SLC9A9: variants seen among roughly 807,000 people sequenced by gnomAD.
The protein encoded by SLC9A9 is sodium/hydrogen exchanger 9.
SLC9A9 carries 62 observed loss-of-function variants against 77.8 expected under a neutral mutation model. The observed-to-expected ratio is 0.80, with a 90% CI of 0.65 to 0.98. The LOEUF is 0.98. SLC9A9 is among the 50% of genes least tolerant of loss of function. The probability of loss-of-function intolerance (pLI) is 0.00; values close to 1 mark genes in which losing one functional copy is unlikely to be tolerated. For synonymous variants in SLC9A9, 320 were observed against 283.5 expected (o/e 1.13, Z -1.29); for missense variants, 775 against 774.9 (o/e 1.00, Z 0.00).
intron 9 of SLC9A9, among the ~76,000 whole-genome samples, chr3:143,547,773 C>A (rs1462713859): frequency 6.6e-6 from 1 of 152,226 alleles, no homozygotes; most frequent in Non-Finnish European, 1.5e-5. Context: ...TCTAATATTA[C>A]AAGCCTGCCT....
intron 2 of SLC9A9, among the ~76,000 whole-genome samples, chr3:143,827,017 T>C (rs1186380194): frequency 6.6e-6 from 1 of 152,230 alleles, no homozygotes; most frequent in Non-Finnish European, 1.5e-5. Flanking sequence ...AGAATTGAAA[T>C]TGATAGGACT....
chr3:143,820,134 A>G (rs1246428866), intron 2 of SLC9A9, among the ~76,000 whole-genome samples: 1 of 152,260 alleles, frequency 6.6e-6, no homozygotes, highest in Admixed American at 6.5e-5. Flanking sequence ...CAAAGTAGTT[A>G]GGAATTTGAA....
chr3:143,674,302 C>T (rs1004116436), intron 5 of SLC9A9, among the ~76,000 whole-genome samples: 1 of 152,164 alleles, frequency 6.6e-6, no homozygotes, highest in South Asian at 2.1e-4. Context: ...CTTTTGATAT[C>T]CAGGACGCTC....
intron 5 of SLC9A9, among the ~76,000 whole-genome samples, chr3:143,682,282 A>T (rs1933127594): frequency 6.6e-6 from 1 of 152,178 alleles, no homozygotes; most frequent in Non-Finnish European, 1.5e-5. Context: ...TGTAATGTTA[A>T]GTTTTGAAAT....
chr3:143,344,958 A>G (rs1410172055), intron 14 of SLC9A9, among the ~76,000 whole-genome samples: 2 of 152,224 alleles, frequency 1.3e-5, no homozygotes, highest in East Asian at 3.8e-4. Context: ...AAACTCTGAG[A>G]GCAGTAAAAC....
chr3:143,655,565 A>C, intron 5 of SLC9A9: 1 of 985,308 alleles, frequency 1.0e-6, no homozygotes, highest in Admixed American at 6.2e-5. Flanking sequence ...TCTCCTCTAC[A>C]TACCCTCTTC....
At chr3:143,394,984 G>A (rs2033689547) in intron 12 of SLC9A9, among the ~76,000 whole-genome samples, 1 of 152,156 alleles carries the variant, frequency 6.6e-6, no homozygotes, top group Non-Finnish European at 1.5e-5. Flanking sequence ...CCATGCTCAT[G>A]GATAGGAAGA....
chr3:143,583,384 T>A (rs1382261843), intron 6 of SLC9A9, among the ~76,000 whole-genome samples: 1 of 152,178 alleles, frequency 6.6e-6, no homozygotes, highest in Non-Finnish European at 1.5e-5. Flanking sequence ...TGAATAAGGA[T>A]CATTTTGCTT....
intron 5 of SLC9A9, among the ~76,000 whole-genome samples, chr3:143,673,067 T>A (rs2039184839): frequency 6.6e-6 from 1 of 152,200 alleles, no homozygotes. Context: ...AAAGGTGGCT[T>A]TTATTCCTAC....
intron 12 of SLC9A9, among the ~76,000 whole-genome samples, chr3:143,394,817 G>A (rs563797749): frequency 3.3e-5 from 5 of 151,686 alleles, no homozygotes; most frequent in African/African-American, 1.2e-4. Context: ...AACAGACAGA[G>A]AGCTAAATCA....
At chr3:143,616,302 A>G (rs759435482) in intron 6 of SLC9A9, among the ~76,000 whole-genome samples, 1 of 152,212 alleles carries the variant, frequency 6.6e-6, no homozygotes. Context: ...CATTAGAAAC[A>G]GTGAATTAGA....
intron 5 of SLC9A9, among the ~76,000 whole-genome samples, chr3:143,681,338 T>G (rs1476103533): frequency 6.6e-6 from 1 of 152,234 alleles, no homozygotes; most frequent in African/African-American, 2.4e-5. Flanking sequence ...CGCTGCCGCA[T>G]ATTATTAAAT....
chr3:143,594,502 C>T (rs931711328), intron 6 of SLC9A9, among the ~76,000 whole-genome samples: 19 of 152,100 alleles, frequency 1.2e-4, no homozygotes, highest in Non-Finnish European at 2.5e-4. Flanking sequence ...GCCAAAGTCA[C>T]GTGGTGAGCA....
At chr3:143,621,155 T>G (rs1032761753) in intron 6 of SLC9A9, among the ~76,000 whole-genome samples, 2 of 152,120 alleles carry the variant, frequency 1.3e-5, no homozygotes, top group Non-Finnish European at 1.5e-5. Context: ...AGCTCAAGGA[T>G]GCCTGCCTGC....
intron 4 of SLC9A9, among the ~76,000 whole-genome samples, chr3:143,718,340 G>A (rs543109066): frequency 6.6e-6 from 1 of 152,286 alleles, no homozygotes; most frequent in Non-Finnish European, 1.5e-5. Context: ...ACAGGATTTT[G>A]AGAAGAAACT....
chr3:143,750,302 A>C (rs1166648917), intron 4 of SLC9A9, among the ~76,000 whole-genome samples: 3 of 152,200 alleles, frequency 2.0e-5, no homozygotes, highest in African/African-American at 7.2e-5. Flanking sequence ...AATGTGCTTG[A>C]ATTTTCACTG....
At chr3:143,395,427 C>T (rs1263949454) in intron 12 of SLC9A9, among the ~76,000 whole-genome samples, 2 of 152,322 alleles carry the variant, frequency 1.3e-5, no homozygotes, top group Non-Finnish European at 2.9e-5. Flanking sequence ...CCCTTCCTTA[C>T]ACCTTATACA....
rs80245245 is a variant in SLC9A9, at chr3:143,673,049, T to C, written c.649+20143A>G. 8.0e-3 allele frequency among the ~76,000 whole-genome samples: 1,221 copies of C among 152,322 alleles called. 4 individuals are homozygous for C. Among genetic ancestry groups the C allele is most frequent in the African/African-American group, 0.01 (426 of 41,574 alleles). ...GCAATAGTTACACTACAGCAAACTT[T>C]AAAGGATAAAGGTGGCTTTTATTCC... On this transcript the variant is annotated intron_variant, in intron 5 of 15. Coordinates refer to ENST00000316549, the MANE Select transcript of SLC9A9 (RefSeq NM_173653.4).
chr3:143,333,782 G>A (rs1014819598), intron 14 of SLC9A9, among the ~76,000 whole-genome samples: 3 of 152,150 alleles, frequency 2.0e-5, no homozygotes, highest in African/African-American at 2.4e-5. Flanking sequence ...ATTTATTATG[G>A]TTTACTCTTT....
Sources: allele counts gnomAD v4.1 joint callset (sites outside exome capture counted in the v4.1 genomes callset), GRCh38; gene constraint gnomAD v4.1.1; transcripts MANE v1.5; gene names NCBI Gene and HGNC (gene_info 2026-07-23, HGNC 2026-07-21).